SETBP1: variants seen among roughly 807,000 people sequenced by gnomAD.
The protein encoded by SETBP1 is SET-binding protein.
A neutral mutation model predicts 101.0 loss-of-function variants in SETBP1; 9 were observed. The observed-to-expected ratio is 0.09, with a 90% CI of 0.05 to 0.16. The LOEUF (loss-of-function observed/expected upper bound fraction) is 0.16. SETBP1 is among the 10% of genes least tolerant of loss of function. The pLI is 1.00. For synonymous variants in SETBP1, 818 were observed against 788.5 expected (o/e 1.04, Z -0.63); for missense variants, 1,858 against 2,033.8 (o/e 0.91, Z 1.66).
chr18:44,861,146 A>G (rs1190568568), intron 2 of SETBP1, among the ~76,000 whole-genome samples: 1 of 151,626 alleles, frequency 6.6e-6, no homozygotes, highest in Non-Finnish European at 1.5e-5. Flanking sequence ...TCACCTCACA[A>G]TCCCCAAGGC....
chr18:44,756,216 CA>C (rs34254211), intron 2 of SETBP1, among the ~76,000 whole-genome samples: 27,121 of 108,116 alleles, frequency 0.25, 2,573 homozygotes, highest in Non-Finnish European at 0.3. Flanking sequence ...GACTCCATGT[CA>C]AAAAAAAAAA....
At chr18:44,812,201 C>T (rs892804205) in intron 2 of SETBP1, among the ~76,000 whole-genome samples, 1 of 152,256 alleles carries the variant, frequency 6.6e-6, no homozygotes, top group South Asian at 2.1e-4. Context: ...TCCCATGGCA[C>T]ATGCACACCC....
At chr18:44,974,443 G>A (rs1019538625) in intron 4 of SETBP1, among the ~76,000 whole-genome samples, 1 of 152,184 alleles carries the variant, frequency 6.6e-6, no homozygotes, top group Non-Finnish European at 1.5e-5. Flanking sequence ...CTGCAGAAAG[G>A]CAAAGAGGAG....
At chr18:44,821,168 C>T (rs2072106857) in intron 2 of SETBP1, among the ~76,000 whole-genome samples, 1 of 152,174 alleles carries the variant, frequency 6.6e-6, no homozygotes, top group African/African-American at 2.4e-5. Flanking sequence ...TCTCTTTGTG[C>T]CACTGTTGTT....
At chr18:44,856,977 C>A (rs1024171274) in intron 2 of SETBP1, among the ~76,000 whole-genome samples, 1 of 152,216 alleles carries the variant, frequency 6.6e-6, no homozygotes, top group African/African-American at 2.4e-5. Flanking sequence ...CCTCTACTTT[C>A]TAGATCTGGA....
intron 3 of SETBP1, chr18:44,871,711 C>T (rs891415238): frequency 1.3e-5 from 2 of 152,184 alleles, no homozygotes; most frequent in African/African-American, 4.8e-5. Context: ...GAAGTGATTA[C>T]CTACCTTTCT....
At chr18:44,743,475 C>T (rs531460916) in intron 2 of SETBP1, among the ~76,000 whole-genome samples, 1 of 152,152 alleles carries the variant, frequency 6.6e-6, no homozygotes, top group African/African-American at 2.4e-5. Flanking sequence ...CAGCACCCCC[C>T]CAACCCCCAA....
At chr18:44,977,815 C>G (rs2072023999) in intron 4 of SETBP1, among the ~76,000 whole-genome samples, 1 of 152,170 alleles carries the variant, frequency 6.6e-6, no homozygotes, top group African/African-American at 2.4e-5. Context: ...TCACTTTGCC[C>G]TCCAGCCTTT....
At chr18:44,849,750 T>C (rs2072809108) in intron 2 of SETBP1, among the ~76,000 whole-genome samples, 1 of 151,984 alleles carries the variant, frequency 6.6e-6, no homozygotes, top group African/African-American at 2.4e-5. Flanking sequence ...GCAAATGACA[T>C]AACCTCACTG....
intron 4 of SETBP1, chr18:44,986,697 A>T (rs1042293297): frequency 6.6e-6 from 1 of 151,748 alleles, no homozygotes; most frequent in Non-Finnish European, 1.5e-5. Context: ...CCTACATAGC[A>T]TCAAGATCAT....
intron 3 of SETBP1, among the ~76,000 whole-genome samples, chr18:44,932,364 C>G (rs1402204901): frequency 3.3e-5 from 5 of 152,150 alleles, no homozygotes; most frequent in Non-Finnish European, 7.3e-5. Context: ...CTCTGGCTGC[C>G]CTTAACATTA....
At chr18:44,796,969 A>AG (rs1427239659) in intron 2 of SETBP1, among the ~76,000 whole-genome samples, 3 of 152,046 alleles carry the variant, frequency 2.0e-5, no homozygotes, top group Admixed American at 6.5e-5. Context: ...GCCTACCTGA[A>AG]GGGGGGTAAA....
At chr18:44,683,248 G>T (rs2068788182) in intron 1 of SETBP1, among the ~76,000 whole-genome samples, 1 of 152,186 alleles carries the variant, frequency 6.6e-6, no homozygotes, top group South Asian at 2.1e-4. Flanking sequence ...GAACCTAGAG[G>T]TATCTTTAAG....
At chr18:44,856,635 G>A (rs188607769) in intron 2 of SETBP1, among the ~76,000 whole-genome samples, 1 of 152,298 alleles carries the variant, frequency 6.6e-6, no homozygotes, top group East Asian at 1.9e-4. Flanking sequence ...CCTGCCATTT[G>A]CACTCAATAG....
At chr18:44,921,837 G>T (rs2070588558) in intron 3 of SETBP1, among the ~76,000 whole-genome samples, 1 of 152,130 alleles carries the variant, frequency 6.6e-6, no homozygotes. Flanking sequence ...ATCAGAGATG[G>T]CTTTTCCCAG....
chr18:44,859,071 G>GAAGT (rs1299859497), intron 2 of SETBP1, among the ~76,000 whole-genome samples: 1 of 151,290 alleles, frequency 6.6e-6, no homozygotes, highest in Non-Finnish European at 1.5e-5. Flanking sequence ...AGGAAGGAAG[G>GAAGT]ATTGGGGGAA....
intron 4 of SETBP1, among the ~76,000 whole-genome samples, chr18:45,023,652 G>T (rs966091171): frequency 1.3e-5 from 2 of 152,178 alleles, no homozygotes; most frequent in Non-Finnish European, 2.9e-5. Flanking sequence ...GGCAGAGATC[G>T]AGCAATTAGT....
In SETBP1 at chr18:44,777,994, A is replaced by G. The variant is rs1224000788; in HGVS notation, c.486+76162A>G. ...CAAATTTCTGGAATTTCACTGACAGATTCCCTGGGGCATGAAAATCAAGCT... is the reference window on the plus strand; with the variant it reads ...CAAATTTCTGGAATTTCACTGACAGGTTCCCTGGGGCATGAAAATCAAGCT... On this transcript the variant is annotated intron_variant, in intron 2 of 5. Transcript: ENST00000649279. Among the ~76,000 whole-genome samples, 4 of 152,198 alleles carry G rather than the reference A, an allele frequency of 2.6e-5. No individual in the cohort carries two copies. In the East Asian group the frequency reaches 7.7e-4, roughly 29 times the overall value.
At chr18:45,058,479 A>G (rs1420968865) in intron 5 of SETBP1, among the ~76,000 whole-genome samples, 3 of 152,214 alleles carry the variant, frequency 2.0e-5, no homozygotes, top group African/African-American at 7.2e-5. Context: ...GAATTACGGC[A>G]AACTAAATAT....
Sources: gnomAD v4.1 joint callset for allele counts (sites outside exome capture counted in the v4.1 genomes callset) on GRCh38, gnomAD v4.1.1 for gene constraint, MANE v1.5 for transcripts, NCBI Gene and HGNC (gene_info 2026-07-23, HGNC 2026-07-21) for gene names.